The following TTLL5 variants were observed in gnomAD, a reference collection of about 807,000 sequenced individuals.
TTLL5 encodes tubulin polyglutamylase TTLL5.
A neutral mutation model predicts 168.4 loss-of-function variants in TTLL5; 132 were observed. The ratio of observed to expected loss-of-function variants is 0.78; its 90% CI spans 0.68 to 0.91. The LOEUF (loss-of-function observed/expected upper bound fraction) is 0.91, where lower values mean the gene tolerates loss of function less well. Among genes scored for constraint, TTLL5 ranks in the 40% least tolerant of loss-of-function variants. The pLI is 0.00. For missense variants in TTLL5, 1,545 were observed against 1,581.5 expected, an observed-to-expected ratio of 0.98 and a Z score of 0.39; for synonymous variants, 546 against 558.6, an observed-to-expected ratio of 0.98 and a Z score of 0.32.
intron 7 of TTLL5, among the ~76,000 whole-genome samples, chr14:75,703,294 C>A (rs1426848690): frequency 1.3e-5 from 2 of 152,166 alleles, no homozygotes; most frequent in Admixed American, 1.3e-4. Context: ...CTAAAACTTC[C>A]CTATAGTAGT....
chr14:75,954,259 A>G (rs2035048634), intron 31 of TTLL5, among the ~76,000 whole-genome samples, 165 bp from the exon 32 acceptor site: 1 of 151,010 alleles, frequency 6.6e-6, no homozygotes, highest in African/African-American at 2.4e-5. Context: ...TCTCAAAAAA[A>G]AAAAAAAAAA....
At chr14:75,954,314 C>T in intron 31 of TTLL5, 110 bp from the exon 32 acceptor site, 1 of 1,155,936 alleles carries the variant, frequency 8.7e-7, no homozygotes, top group Non-Finnish European at 1.3e-6. Context: ...TTATTTGGGC[C>T]ACCACTTCTT....
intron 31 of TTLL5, among the ~76,000 whole-genome samples, chr14:75,934,967 T>C (rs915410259): frequency 2.0e-5 from 3 of 152,180 alleles, no homozygotes; most frequent in Admixed American, 2.0e-4. Flanking sequence ...GAGATAAATA[T>C]AAAGCAGCAG....
intron 15 of TTLL5, among the ~76,000 whole-genome samples, chr14:75,736,197 C>T (rs139826428): frequency 1.2e-4 from 19 of 152,182 alleles, no homozygotes; most frequent in African/African-American, 4.6e-4. Context: ...GCTTTTTCTT[C>T]CTACTCCCCA....
At chr14:75,944,629 G>T (rs1234909861) in intron 31 of TTLL5, among the ~76,000 whole-genome samples, 1 of 152,172 alleles carries the variant, frequency 6.6e-6, no homozygotes, top group African/African-American at 2.4e-5. Flanking sequence ...ACATGAGCAG[G>T]GCAAGAGAGG....
intron 17 of TTLL5, among the ~76,000 whole-genome samples, chr14:75,751,309 T>C (rs1481419791): frequency 1.5e-4 from 23 of 152,204 alleles, no homozygotes; most frequent in Admixed American, 1.5e-3. Context: ...GATTTCTTTT[T>C]CCTTAAGTCA....
chr14:75,734,602 A>G (rs927102270), intron 14 of TTLL5, among the ~76,000 whole-genome samples: 2 of 152,200 alleles, frequency 1.3e-5, no homozygotes, highest in Admixed American at 6.5e-5. Flanking sequence ...TACCTGATGT[A>G]CCAGCGAATG....
intron 17 of TTLL5, among the ~76,000 whole-genome samples, chr14:75,745,957 A>ACTGATTTTTGGCAACAATAGGCAC (rs1491086877): frequency 6.6e-6 from 1 of 152,186 alleles, no homozygotes; most frequent in African/African-American, 2.4e-5. Flanking sequence ...TTTTAAATGT[A>ACTGATTTTTGGCAACAATAGGCAC]CAGTTTGAAG....
chr14:75,948,451 C>T (rs953989138), intron 31 of TTLL5, among the ~76,000 whole-genome samples: 6 of 151,722 alleles, frequency 4.0e-5, no homozygotes, highest in African/African-American at 1.5e-4. Flanking sequence ...CGCCATTGCA[C>T]TGCAGCCTGG....
rs1480629669 is a variant in TTLL5, at chr14:75,757,668, T to C, written c.1550+4713T>C. 2.0e-5 allele frequency among the ~76,000 whole-genome samples: 3 copies of C among 152,256 alleles called. No homozygotes were observed. The East Asian group carries it at 5.8e-4, about 29-fold the overall frequency. ...ACAGCACTCTACTCTTTTATGAGAA[T>C]GTTCTCAATTTATCTGTCTGCTTTT... On this transcript the variant is annotated intron_variant, in intron 18 of 31. Transcript: ENST00000298832.
chr14:75,776,240 T>C (rs1891718268), intron 22 of TTLL5, among the ~76,000 whole-genome samples: 1 of 152,204 alleles, frequency 6.6e-6, no homozygotes. Flanking sequence ...CATGGAATTG[T>C]TGGTAGAATA....
At position 75,683,615 on chromosome 14, in the gene TTLL5, G is replaced by A. The variant is rs1344751937; in HGVS notation, c.330G>A (p.Leu110=). Residue 110 remains leucine (L), a synonymous_variant, in exon 5 of 32, where the codon CTG becomes CTA. Transcript: ENST00000298832. ...GATCCCACCTGAAGCCCTTCTTACT[G>A]CGCACCCTCTCTGAAGCACAAAAAG... ...WTGSHLKPFL[L]RTLSEAQKVN... 10 of 1,613,854 alleles carry A rather than the reference G, an allele frequency of 6.2e-6. No homozygotes were observed. The highest frequency in any genetic ancestry group is 2.2e-5 in the East Asian group (1 of 44,892).
chr14:75,752,446 G>C (rs770028781), intron 17 of TTLL5, among the ~76,000 whole-genome samples: 1 of 152,182 alleles, frequency 6.6e-6, no homozygotes, highest in African/African-American at 2.4e-5. Context: ...AGTAGACATC[G>C]AGGAGCCACT....
intron 18 of TTLL5, among the ~76,000 whole-genome samples, chr14:75,756,156 A>G (rs1594977702): frequency 1.3e-5 from 2 of 152,222 alleles, no homozygotes; most frequent in African/African-American, 2.4e-5. Context: ...GGACATTAAC[A>G]TGGATAGAAA....
intron 31 of TTLL5, among the ~76,000 whole-genome samples, chr14:75,934,896 CT>C: frequency 6.6e-6 from 1 of 152,146 alleles, no homozygotes; most frequent in East Asian, 1.9e-4. Context: ...ACCCAAAGAG[CT>C]TTTAAGAACA....
intron 26 of TTLL5, among the ~76,000 whole-genome samples, chr14:75,789,681 A>G (rs1469350915): frequency 6.6e-6 from 1 of 152,180 alleles, no homozygotes; most frequent in Non-Finnish European, 1.5e-5. Flanking sequence ...GTTTTATAAG[A>G]CTACATTGAA....
At chr14:75,782,083 A>G (rs1047165742) in intron 24 of TTLL5, among the ~76,000 whole-genome samples, 10 of 152,016 alleles carry the variant, frequency 6.6e-5, no homozygotes, top group African/African-American at 1.7e-4. Context: ...TGCTCCATAT[A>G]TATTGTAACT....
intron 2 of TTLL5, 55 bp downstream of exon 2, chr14:75,663,278 ACTCT>A: frequency 1.4e-6 from 2 of 1,461,996 alleles, no homozygotes; most frequent in Non-Finnish European, 1.9e-6. Context: ...TCACTTATAT[ACTCT>A]TATATACTGT....
At chr14:75,856,877 C>T (rs758580834) in intron 28 of TTLL5, among the ~76,000 whole-genome samples, 10 of 152,042 alleles carry the variant, frequency 6.6e-5, no homozygotes, top group Non-Finnish European at 4.4e-5. Context: ...TGCCCACCTC[C>T]GCCTCCCAAG....
Sources: gnomAD v4.1 joint callset for allele counts (sites outside exome capture counted in the v4.1 genomes callset) on GRCh38, gnomAD v4.1.1 for gene constraint, MANE v1.5 for transcripts, NCBI Gene and HGNC (gene_info 2026-07-23, HGNC 2026-07-21) for gene names.